Variants in CCDC102B observed in about 807,000 individuals in gnomAD.
CCDC102B encodes the protein coiled-coil domain-containing protein 102B.
Under a neutral mutation model 57.4 loss-of-function variants are expected in CCDC102B, and 75 were observed. The ratio of observed to expected loss-of-function variants is 1.31; its 90% CI spans 1.08 to 1.58. The LOEUF is 1.58. CCDC102B is among the 40% of genes most tolerant of loss of function. CCDC102B has a pLI of 0.00. For synonymous variants in CCDC102B, 206 were observed against 201.9 expected (o/e 1.02, Z -0.17); for missense variants, 636 against 582.6 (o/e 1.09, Z -0.94).
chr18:68,903,559 T>C (rs1378508723), intron 6 of CCDC102B, among the ~76,000 whole-genome samples: 2 of 152,238 alleles, frequency 1.3e-5, no homozygotes, highest in Non-Finnish European at 2.9e-5. Context: ...GTGTAAATAC[T>C]GATTTGCTTT....
rs369280734 is a variant in CCDC102B at position 68,838,893 on chromosome 18, A to G, written c.794A>G (p.Asp265Gly). ...TEISALQVHL[D>G]EFQKILWKER... is the part of the protein sequence containing the mutation. ...ATTTCAGCTTTGCAGGTGCATTTGG[A>G]TGAATTCCAAAAAATCTTATGGAAG... The change falls in exon 3 of 8, where the codon GAT (aspartate) becomes GGT (glycine). Residue 265 changes from aspartate to glycine, a missense_variant. Coordinates refer to ENST00000360242, the MANE Select transcript of CCDC102B (RefSeq NM_024781.3). The G allele has an allele frequency of 2.6e-5, 42 of 1,613,842 alleles. No homozygotes were observed. Among genetic ancestry groups the G allele is most frequent in the Non-Finnish European group, 3.1e-5 (36 of 1,179,950 alleles).
chr18:69,006,512 T>A (rs1352721688), intron 6 of CCDC102B, among the ~76,000 whole-genome samples: 1 of 151,614 alleles, frequency 6.6e-6, no homozygotes, highest in African/African-American at 2.4e-5. Context: ...AACCTCCGCC[T>A]CCTGGGTTCA....
chr18:68,965,380 T>C (rs1409924663), intron 6 of CCDC102B, among the ~76,000 whole-genome samples: 1 of 151,674 alleles, frequency 6.6e-6, no homozygotes, highest in Non-Finnish European at 1.5e-5. Context: ...TATTATAATT[T>C]TACTTCTAAA....
At chr18:68,857,065 TTA>T (rs1301379603) in intron 4 of CCDC102B, among the ~76,000 whole-genome samples, 1 of 121,512 alleles carries the variant, frequency 8.2e-6, no homozygotes, top group South Asian at 2.2e-4. Flanking sequence ...AAATATATTT[TTA>T]TATATTATAT....
chr18:68,775,432 CT>C (rs2034778098), intron 2 of CCDC102B, among the ~76,000 whole-genome samples: 2 of 151,980 alleles, frequency 1.3e-5, no homozygotes, highest in African/African-American at 4.8e-5. Context: ...TATTTTGTCT[CT>C]TTTCCCTTGA....
At chr18:68,761,766 G>A (rs1267403443) in intron 2 of CCDC102B, among the ~76,000 whole-genome samples, 1 of 152,010 alleles carries the variant, frequency 6.6e-6, no homozygotes, top group African/African-American at 2.4e-5. Context: ...TTCTATCATG[G>A]TTAGTTGTGT....
At chr18:68,800,332 C>T (rs2035800474) in intron 1 of CCDC102B, among the ~76,000 whole-genome samples, 3 of 151,956 alleles carry the variant, frequency 2.0e-5, no homozygotes, top group African/African-American at 7.3e-5. Flanking sequence ...TTTTAGGGTG[C>T]AGGGAGGAGG....
intron 5 of CCDC102B, among the ~76,000 whole-genome samples, chr18:68,878,370 T>C (rs534152040): frequency 2.8e-4 from 42 of 152,316 alleles, no homozygotes; most frequent in African/African-American, 9.6e-4. Context: ...AGTGCTGGGA[T>C]TACAGGCGTG....
intron 6 of CCDC102B, among the ~76,000 whole-genome samples, chr18:68,904,689 GCA>G (rs144065830): frequency 3.3e-5 from 5 of 149,694 alleles, no homozygotes; most frequent in East Asian, 1.9e-4. Context: ...TCAAATGCAT[GCA>G]CACACACACA....
intron 1 of CCDC102B, among the ~76,000 whole-genome samples, chr18:68,798,825 GA>G (rs543043424): frequency 1.3e-4 from 19 of 151,628 alleles, no homozygotes; most frequent in African/African-American, 4.1e-4. Flanking sequence ...TTATAAAACT[GA>G]AAAAAAATCT....
Position 68,798,594 on chromosome 18 carries a change from G to C in CCDC102B, c.-16+413G>C, listed in dbSNP as rs149826896. On this transcript the variant is annotated intron_variant, in intron 1 of 7. Transcript: ENST00000360242. ...ACAGTAAAAAAGTAAAATTGTTATG[G>C]AAATCCTCCTATCTATGCCTCATGT... The C allele has an allele frequency of 2.0e-5, 3 of 152,136 alleles. No homozygotes were observed. The East Asian group carries it at 5.8e-4, about 29-fold the overall frequency. 9.4% of individuals were successfully genotyped at this position (152,136 alleles called of 1,614,324 possible). A position where few individuals can be genotyped will look rare whatever the true frequency, so the allele number is the denominator to read the frequency against.
chr18:68,841,649 T>G (rs949846852), intron 3 of CCDC102B, among the ~76,000 whole-genome samples: 2 of 152,164 alleles, frequency 1.3e-5, no homozygotes, highest in Non-Finnish European at 2.9e-5. Context: ...TGCAGAGACC[T>G]CCTTTATCAC....
intron 6 of CCDC102B, among the ~76,000 whole-genome samples, chr18:69,001,408 C>T (rs2051197244): frequency 6.6e-6 from 1 of 151,164 alleles, no homozygotes; most frequent in African/African-American, 2.4e-5. Context: ...CAGCTAAAGA[C>T]AGGCTTTTTA....
intron 7 of CCDC102B, among the ~76,000 whole-genome samples, chr18:69,027,126 G>C (rs1443488967): frequency 6.6e-6 from 1 of 152,186 alleles, no homozygotes; most frequent in African/African-American, 2.4e-5. Context: ...TTTAAAAATG[G>C]TCGTTTTCCA....
intron 2 of CCDC102B, among the ~76,000 whole-genome samples, chr18:68,750,720 G>A (rs1324669413): frequency 2.7e-5 from 4 of 148,192 alleles, no homozygotes; most frequent in Non-Finnish European, 5.9e-5. Context: ...AACACCACAT[G>A]TTCTCACTCA....
intron 6 of CCDC102B, among the ~76,000 whole-genome samples, chr18:68,922,596 C>A (rs2041320681): frequency 6.6e-6 from 1 of 152,002 alleles, no homozygotes. Context: ...GATAAAAGGC[C>A]CAGCAGGTCC....
chr18:68,892,709 TAA>T (rs1489139242), intron 5 of CCDC102B, among the ~76,000 whole-genome samples: 1 of 152,190 alleles, frequency 6.6e-6, no homozygotes, highest in African/African-American at 2.4e-5. Flanking sequence ...AAAATTACTT[TAA>T]GAGACTGATT....
At chr18:68,877,929 G>A (rs79164786) in intron 5 of CCDC102B, among the ~76,000 whole-genome samples, 1,597 of 152,192 alleles carry the variant, frequency 0.01, 35 homozygotes, top group East Asian at 0.08. Flanking sequence ...TCAACAAATG[G>A]CCATTAATTG....
intron 1 of CCDC102B, chr18:68,798,470 A>G (rs1384334107): frequency 6.6e-6 from 1 of 152,182 alleles, no homozygotes; most frequent in African/African-American, 2.4e-5. Context: ...TTTCGACTCT[A>G]CATTTAGACA....
Sources: allele counts gnomAD v4.1 joint callset (sites outside exome capture counted in the v4.1 genomes callset), GRCh38; gene constraint gnomAD v4.1.1; transcripts MANE v1.5; gene names NCBI Gene and HGNC (gene_info 2026-07-23, HGNC 2026-07-21).